Variants in SRL observed in about 807,000 individuals in gnomAD.
SRL encodes the protein sarcalumenin.
In SRL, 23 loss-of-function variants were observed where a neutral mutation model predicts 39.5. The ratio of observed to expected loss-of-function variants is 0.58; its 90% CI spans 0.42 to 0.82. The LOEUF (loss-of-function observed/expected upper bound fraction) is 0.82. SRL is among the 40% of genes least tolerant of loss of function. The pLI is 0.00. For missense variants in SRL, 592 were observed against 607.8 expected, an observed-to-expected ratio of 0.97 and a Z score of 0.27; for synonymous variants, 272 against 237.4, an observed-to-expected ratio of 1.15 and a Z score of -1.34.
chr16:4,190,724 G>T lies in SRL; in HGVS notation c.*1429C>A, dbSNP rs1456683450. ...GTGTTCAGTGGACATCTGCATCAAG[G>T]TCAGGCGGGAAGGTCAATGTTAAGC... On this transcript the variant is annotated 3_prime_UTR_variant, in exon 6 of 6. Coordinates refer to ENST00000399609, the MANE Select transcript of SRL (RefSeq NM_001098814.2). 5.5e-6 allele frequency: 2 copies of T among 363,138 alleles called. No individual in the cohort carries two copies. Among genetic ancestry groups the T allele is most frequent in the Non-Finnish European group, 4.9e-6 (1 of 203,452 alleles). The allele number at this position is 363,138 out of a possible 1,614,324, so 22.5% of individuals were successfully genotyped here. A position where few individuals can be genotyped will look rare whatever the true frequency, so the allele number is the denominator to read the frequency against.
At chr16:4,207,314 T>C (rs1439022279) in intron 1 of SRL, 1 of 456,816 alleles carries the variant, frequency 2.2e-6, no homozygotes, top group Non-Finnish European at 4.4e-6. Context: ...CCTTAACGCT[T>C]TGGGCGCCCC....
Position 4,190,879 on chromosome 16 carries a change from G to A in SRL, c.*1274C>T, listed in dbSNP as rs2052052500. On this transcript the variant is annotated 3_prime_UTR_variant, in exon 6 of 6. Transcript: ENST00000399609. ...AAGCCATGGTGTGGAAACTGCAAAGGAGCAACTCCGCTGCCAAGTGTTTCC... is the reference window on the plus strand; with the variant it reads ...AAGCCATGGTGTGGAAACTGCAAAGAAGCAACTCCGCTGCCAAGTGTTTCC... 1 of 161,226 alleles carries A rather than the reference G, an allele frequency of 6.2e-6. No individual in the cohort carries two copies. The highest frequency in any genetic ancestry group is 1.3e-5 in the Non-Finnish European group (1 of 74,268). The allele number at this position is 161,226 out of a possible 1,614,324, so 10.0% of individuals were successfully genotyped here.
chr16:4,216,070 T>C (rs554761018), intron 1 of SRL, among the ~76,000 whole-genome samples: 2 of 151,728 alleles, frequency 1.3e-5, no homozygotes, highest in Non-Finnish European at 1.5e-5. Flanking sequence ...AGCACAATTG[T>C]TTTTAACCCA....
intron 1 of SRL, chr16:4,239,597 T>C: frequency 6.6e-6 from 1 of 152,398 alleles, no homozygotes; most frequent in Non-Finnish European, 1.5e-5. Context: ...CAGGACGGTC[T>C]TATCCACTGC....
At position 4,203,175 on chromosome 16, in the gene SRL, C is replaced by T; in HGVS notation, c.250G>A (p.Glu84Lys). The T allele has an allele frequency of 6.2e-7, 1 of 1,614,122 alleles. No individual in the cohort carries two copies. Among genetic ancestry groups the T allele is most frequent in the Non-Finnish European group, 8.5e-7 (1 of 1,179,948 alleles). Residue 84 changes from glutamate to lysine, a missense_variant, in exon 3 of 6, where the codon GAG (glutamate) becomes AAG (lysine). Physicochemically the swap from Glu to Lys is moderately conservative, Grantham distance 56. Transcript: ENST00000399609. ...TTATCTCAAGCCCTACCTGTGATCT[C>T]ATGCTGCCGGAGCTCATTGTACTTG... ...SYKYNELRQH[E>K]ITDGEITSKP...
intron 4 of SRL, among the ~76,000 whole-genome samples, chr16:4,196,130 T>C (rs191121639): frequency 1.3e-4 from 20 of 152,000 alleles, no homozygotes; most frequent in African/African-American, 4.8e-4. Flanking sequence ...CTGGCTAATT[T>C]TTGTATTTTT....
chr16:4,219,835 G>A (rs1226592195), intron 1 of SRL, among the ~76,000 whole-genome samples: 1 of 152,056 alleles, frequency 6.6e-6, no homozygotes, highest in East Asian at 1.9e-4. Flanking sequence ...TGGTATTCCT[G>A]GCGTCAGCAG....
chr16:4,197,078 T>G (rs1477051765), intron 4 of SRL, among the ~76,000 whole-genome samples: 1 of 101,364 alleles, frequency 9.9e-6, no homozygotes, highest in Non-Finnish European at 2.1e-5. Flanking sequence ...TTTTTTTTTT[T>G]TTTTTTGTGA....
intron 1 of SRL, 58 bp from the exon 2 acceptor site, chr16:4,204,692 G>A: frequency 5.3e-6 from 8 of 1,516,718 alleles, no homozygotes; most frequent in Admixed American, 1.7e-5. Context: ...CTGAGCTCTG[G>A]GCCCCGGCAC....
chr16:4,221,115 C>G (rs541720999), intron 1 of SRL, among the ~76,000 whole-genome samples: 1 of 151,608 alleles, frequency 6.6e-6, no homozygotes, highest in Non-Finnish European at 1.5e-5. Flanking sequence ...GTGGCACTAT[C>G]TCAGGTCACT....
At chr16:4,193,039 A>C (rs959462811) in intron 5 of SRL, 75 bp from the exon 6 acceptor site, 1 of 1,310,924 alleles carries the variant, frequency 7.6e-7, no homozygotes, top group East Asian at 2.4e-5. Context: ...TCAGAACTAA[A>C]CCATTCTGGG....
chr16:4,226,076 G>C (rs374657811), intron 1 of SRL, among the ~76,000 whole-genome samples: 1 of 152,104 alleles, frequency 6.6e-6, no homozygotes, highest in South Asian at 2.1e-4. Context: ...TTCTAAGTCT[G>C]CTCCAATGTC....
At chr16:4,206,052 G>A (rs918682282) in intron 1 of SRL, among the ~76,000 whole-genome samples, 2 of 152,168 alleles carry the variant, frequency 1.3e-5, no homozygotes, top group African/African-American at 2.4e-5. Flanking sequence ...CCCACTCCTG[G>A]TCTAAGTCCA....
In SRL at chr16:4,201,612, G is replaced by A. The variant is rs1018518220; in HGVS notation, c.259+1554C>T. On this transcript the variant is annotated intron_variant, in intron 3 of 5. Coordinates refer to ENST00000399609, the MANE Select transcript of SRL (RefSeq NM_001098814.2). ...TTTTAAAAGTGCTATGAGCCATCACGCTGGGCCCAATTTTTGTGTGTGTGT... is the reference window on the plus strand; with the variant it reads ...TTTTAAAAGTGCTATGAGCCATCACACTGGGCCCAATTTTTGTGTGTGTGT... Among the ~76,000 whole-genome samples, 5 of 123,760 alleles carry A rather than the reference G, an allele frequency of 4.0e-5. 1 individual carries two copies. The highest frequency in any genetic ancestry group is 8.2e-5 in the Admixed American group (1 of 12,148). The allele number at this position is 123,760 out of a possible 152,430, so 81.2% of individuals were successfully genotyped here. A position where few individuals can be genotyped will look rare whatever the true frequency, so the allele number is the denominator to read the frequency against.
intron 1 of SRL, among the ~76,000 whole-genome samples, chr16:4,219,169 A>G (rs1203274759): frequency 7.2e-5 from 11 of 152,264 alleles, no homozygotes; most frequent in African/African-American, 7.2e-5. Flanking sequence ...CCAGAGAGGA[A>G]AAAGGAGCTT....
intron 1 of SRL, among the ~76,000 whole-genome samples, chr16:4,222,406 C>G (rs985473312): frequency 1.3e-5 from 2 of 152,202 alleles, no homozygotes; most frequent in Non-Finnish European, 1.5e-5. Flanking sequence ...TCCTGAGTAG[C>G]TTGGAATACA....
intron 1 of SRL, among the ~76,000 whole-genome samples, chr16:4,218,889 T>A (rs1376574152): frequency 6.6e-6 from 1 of 152,246 alleles, no homozygotes; most frequent in Non-Finnish European, 1.5e-5. Flanking sequence ...GTCCTGCCCA[T>A]GTGCCCCAGC....
At chr16:4,217,454 G>C (rs1185505794) in intron 1 of SRL, among the ~76,000 whole-genome samples, 4 of 152,098 alleles carry the variant, frequency 2.6e-5, no homozygotes, top group Non-Finnish European at 5.9e-5. Flanking sequence ...GTCTCACTAT[G>C]TTGCCCAGGC....
At chr16:4,206,706 T>G in intron 1 of SRL, 1 of 456,660 alleles carries the variant, frequency 2.2e-6, no homozygotes, top group Non-Finnish European at 4.4e-6. Flanking sequence ...ACGGGGTTGC[T>G]GTTAGGGAAT....
Sources: gnomAD v4.1 joint callset for allele counts (sites outside exome capture counted in the v4.1 genomes callset) on GRCh38, gnomAD v4.1.1 for gene constraint, MANE v1.5 for transcripts, NCBI Gene and HGNC (gene_info 2026-07-23, HGNC 2026-07-21) for gene names.